Variants in EFCAB11 observed in about 807,000 individuals in gnomAD.
The protein encoded by EFCAB11 is EF-hand calcium binding domain 11.
Under a neutral mutation model 23.0 loss-of-function variants are expected in EFCAB11, and 14 were observed. The observed-to-expected ratio is 0.61, with a 90% CI of 0.40 to 0.95. The LOEUF is 0.95. Ranked by LOEUF, EFCAB11 falls within the 40% of genes least tolerant of loss-of-function variation. The pLI is 0.00. For synonymous variants in EFCAB11, 65 were observed against 66.6 expected (o/e 0.98, Z 0.11); for missense variants, 198 against 195.8 (o/e 1.01, Z -0.07).
At chr14:89,877,566 A>G (rs1172003732) in intron 5 of EFCAB11, among the ~76,000 whole-genome samples, 3 of 152,344 alleles carry the variant, frequency 2.0e-5, no homozygotes, top group Non-Finnish European at 1.5e-5. Flanking sequence ...TTTGCAAAGC[A>G]TCTTGCAATT....
At chr14:89,886,950 C>A (rs1258881646) in intron 5 of EFCAB11, among the ~76,000 whole-genome samples, 1 of 152,198 alleles carries the variant, frequency 6.6e-6, no homozygotes, top group Admixed American at 6.5e-5. Context: ...ATACCTTCTT[C>A]ACATCCTAAA....
intron 5 of EFCAB11, among the ~76,000 whole-genome samples, chr14:89,822,206 T>C (rs1886544439): frequency 6.6e-6 from 1 of 152,212 alleles, no homozygotes; most frequent in African/African-American, 2.4e-5. Context: ...CAAATGATTC[T>C]GAACTGTTAT....
chr14:89,887,738 G>A (rs771527150), intron 5 of EFCAB11, among the ~76,000 whole-genome samples: 2 of 152,104 alleles, frequency 1.3e-5, no homozygotes, highest in Non-Finnish European at 2.9e-5. Context: ...CAGGTGTTAT[G>A]GAATAAAGAA....
At chr14:89,894,463 C>T (rs183237145) in intron 5 of EFCAB11, among the ~76,000 whole-genome samples, 1 of 149,418 alleles carries the variant, frequency 6.7e-6, no homozygotes, top group Non-Finnish European at 1.5e-5. Context: ...TGTGATGTTC[C>T]CCTCCCTGTG....
intron 5 of EFCAB11, among the ~76,000 whole-genome samples, chr14:89,855,082 G>C (rs1460424292): frequency 3.9e-5 from 6 of 152,040 alleles, no homozygotes; most frequent in Non-Finnish European, 8.8e-5. Context: ...TAGCATTTTA[G>C]GCATGAGGAA....
chr14:89,805,331 AC>A (rs1289563734), intron 5 of EFCAB11, among the ~76,000 whole-genome samples: 1 of 152,212 alleles, frequency 6.6e-6, no homozygotes, highest in East Asian at 1.9e-4. Context: ...TACCACAGTG[AC>A]TGGCTCAAGG....
intron 5 of EFCAB11, among the ~76,000 whole-genome samples, chr14:89,906,194 A>C (rs1889492977): frequency 6.6e-6 from 1 of 151,120 alleles, no homozygotes; most frequent in Non-Finnish European, 1.5e-5. Context: ...TAAATAAATA[A>C]ATAAATAAAT....
At chr14:89,911,454 AAGTAAAGGC>A (rs1339709977) in intron 5 of EFCAB11, among the ~76,000 whole-genome samples, 1 of 152,232 alleles carries the variant, frequency 6.6e-6, no homozygotes, top group Admixed American at 6.5e-5. Flanking sequence ...TCCTCAAGAC[AAGTAAAGGC>A]AGCCCACTCC....
intron 5 of EFCAB11, among the ~76,000 whole-genome samples, chr14:89,820,559 A>AT (rs1480128369): frequency 1.3e-5 from 2 of 151,670 alleles, no homozygotes; most frequent in Non-Finnish European, 2.9e-5. Context: ...GCGACATCAC[A>AT]TATTTCCCTC....
intron 5 of EFCAB11, among the ~76,000 whole-genome samples, chr14:89,894,563 C>T (rs964085264): frequency 1.3e-5 from 2 of 152,028 alleles, no homozygotes; most frequent in Non-Finnish European, 2.9e-5. Context: ...AAGGATCTAA[C>T]CCCTACGGCT....
intron 5 of EFCAB11, among the ~76,000 whole-genome samples, chr14:89,875,142 C>T (rs181294015): frequency 2.2e-4 from 33 of 152,274 alleles, no homozygotes; most frequent in African/African-American, 6.3e-4. Context: ...GCTGACTGCT[C>T]GGGGTTCGCG....
chr14:89,890,444 T>C (rs1265742647), intron 5 of EFCAB11, among the ~76,000 whole-genome samples: 1 of 152,234 alleles, frequency 6.6e-6, no homozygotes, highest in Non-Finnish European at 1.5e-5. Flanking sequence ...ATATTTTCTA[T>C]ATCTCTTACA....
Position 89,797,198 on chromosome 14 carries a change from C to T in EFCAB11, c.*45G>A. 6.6e-7 allele frequency: 1 copy of T among 1,517,230 alleles called. No homozygotes were observed. The highest frequency in any genetic ancestry group is 1.1e-5 in the South Asian group (1 of 88,072). 94.0% of individuals were successfully genotyped at this position (1,517,230 alleles called of 1,614,324 possible). A position where few individuals can be genotyped will look rare whatever the true frequency, so the allele number is the denominator to read the frequency against. On this transcript the variant is annotated 3_prime_UTR_variant, in exon 6 of 6. Coordinates refer to ENST00000316738, the MANE Select transcript of EFCAB11 (RefSeq NM_145231.4). ...AGTAGAGTCGAGTCTGCTGACATTACAATCTATTGATCTCCCCAGAGTTAC... is the reference window on the plus strand; with the variant it reads ...AGTAGAGTCGAGTCTGCTGACATTATAATCTATTGATCTCCCCAGAGTTAC...
At chr14:89,817,313 C>T (rs1185496831) in intron 5 of EFCAB11, among the ~76,000 whole-genome samples, 4 of 151,836 alleles carry the variant, frequency 2.6e-5, no homozygotes, top group South Asian at 2.1e-4. Context: ...GTCAGGAGTT[C>T]GAGACCAGCC....
At chr14:89,802,354 C>G (rs951302217) in intron 5 of EFCAB11, among the ~76,000 whole-genome samples, 18 of 151,958 alleles carry the variant, frequency 1.2e-4, no homozygotes, top group African/African-American at 4.3e-4. Flanking sequence ...ATCGCATCAT[C>G]ATTGCAATGT....
At chr14:89,838,769 A>G (rs989807726) in intron 5 of EFCAB11, among the ~76,000 whole-genome samples, 2 of 152,236 alleles carry the variant, frequency 1.3e-5, no homozygotes, top group South Asian at 4.1e-4. Flanking sequence ...GCACATAAGG[A>G]TGTCCACTAT....
intron 5 of EFCAB11, among the ~76,000 whole-genome samples, chr14:89,905,552 GAGGA>G (rs1242811645): frequency 6.6e-6 from 1 of 152,208 alleles, no homozygotes; most frequent in Non-Finnish European, 1.5e-5. Flanking sequence ...GTCTCATGCT[GAGGA>G]AGGGACAGGG....
At chr14:89,806,563 C>CAGAAAT (rs1566765394) in intron 5 of EFCAB11, among the ~76,000 whole-genome samples, 6 of 152,280 alleles carry the variant, frequency 3.9e-5, no homozygotes, top group Non-Finnish European at 7.4e-5. Flanking sequence ...AAATCTGTTT[C>CAGAAAT]CTACACTTCT....
intron 5 of EFCAB11, among the ~76,000 whole-genome samples, chr14:89,906,348 A>G (rs1022239651): frequency 5.3e-5 from 8 of 152,170 alleles, no homozygotes; most frequent in African/African-American, 1.9e-4. Flanking sequence ...TTGTTTCAAT[A>G]CAACTGAGAT....
Sources: allele counts gnomAD v4.1 joint callset (sites outside exome capture counted in the v4.1 genomes callset), GRCh38; gene constraint gnomAD v4.1.1; transcripts MANE v1.5; gene names NCBI Gene and HGNC (gene_info 2026-07-23, HGNC 2026-07-21).